The following RNF216 variants were observed in gnomAD, a reference collection of about 807,000 sequenced individuals.
The protein encoded by RNF216 is ring finger protein 216.
RNF216 carries 72 observed loss-of-function variants against 110.8 expected under a neutral mutation model. That is an observed-to-expected ratio of 0.65 (90% CI 0.54 to 0.79). The LOEUF is 0.79. RNF216 is among the 30% of genes least tolerant of loss of function. The pLI, the probability that RNF216 is intolerant of heterozygous loss-of-function variation, is 0.00. For synonymous variants in RNF216, 495 were observed against 407.5 expected, an observed-to-expected ratio of 1.21 and a Z score of -2.59; for missense variants, 1,342 against 1,141.2, an observed-to-expected ratio of 1.18 and a Z score of -2.54.
intron 11 of RNF216, 31 bp downstream of exon 11, chr7:5,715,022 A>G (rs768772383): frequency 1.3e-6 from 2 of 1,590,504 alleles, no homozygotes; most frequent in African/African-American, 1.3e-5. Context: ...AATGTGTCCT[A>G]TATACATGGG....
At chr7:5,672,839 C>T (rs1412559905) in intron 13 of RNF216, among the ~76,000 whole-genome samples, 1 of 152,088 alleles carries the variant, frequency 6.6e-6, no homozygotes, top group African/African-American at 2.4e-5. Context: ...CTGGGGCTTT[C>T]TAGGACACAG....
chr7:5,765,611 G>C (rs1211383415), intron 1 of RNF216, among the ~76,000 whole-genome samples: 2 of 151,148 alleles, frequency 1.3e-5, no homozygotes, highest in African/African-American at 4.9e-5. Flanking sequence ...GCCAGGGTGA[G>C]AGCGAGACCC....
At chr7:5,754,975 C>A (rs1000329873) in intron 2 of RNF216, among the ~76,000 whole-genome samples, 4 of 149,946 alleles carry the variant, frequency 2.7e-5, no homozygotes, top group African/African-American at 7.4e-5. Flanking sequence ...CTGCAGTAAG[C>A]CAAGATCATG....
chr7:5,666,769 C>T (rs1027077423), intron 13 of RNF216: 1 of 151,866 alleles, frequency 6.6e-6, no homozygotes, highest in Non-Finnish European at 1.5e-5. Flanking sequence ...CCCATAGATG[C>T]TCCATACAAT....
At chr7:5,727,543 C>G (rs1793835225) in intron 7 of RNF216, among the ~76,000 whole-genome samples, 1 of 152,070 alleles carries the variant, frequency 6.6e-6, no homozygotes, top group Non-Finnish European at 1.5e-5. Flanking sequence ...CCTGCACAAT[C>G]TAGCAAGACC....
At chr7:5,627,864 T>G (rs981874303) in intron 15 of RNF216, among the ~76,000 whole-genome samples, 4 of 152,170 alleles carry the variant, frequency 2.6e-5, no homozygotes, top group African/African-American at 9.7e-5. Flanking sequence ...CCTGTGGCAC[T>G]GCTGAGGCTG....
chr7:5,663,080 C>T (rs1789254707), intron 13 of RNF216, among the ~76,000 whole-genome samples: 1 of 152,162 alleles, frequency 6.6e-6, no homozygotes, highest in Admixed American at 6.5e-5. Flanking sequence ...TTGGGAAACC[C>T]AAATGACCCG....
chr7:5,734,828 A>G (rs986882193), intron 5 of RNF216, among the ~76,000 whole-genome samples: 4 of 117,432 alleles, frequency 3.4e-5, no homozygotes, highest in Admixed American at 1.7e-4. Context: ...CTCTCTCAAA[A>G]TAAATAAATA....
Position 5,712,877 on chromosome 7 carries a change from A to T in RNF216, c.1834-14T>A, listed in dbSNP as rs754113883. 6.3e-7 allele frequency: 1 copy of T among 1,595,514 alleles called. No individual in the cohort carries two copies. The highest frequency in any genetic ancestry group is 1.1e-5 in the South Asian group (1 of 87,962). On this transcript the variant is annotated splice_polypyrimidine_tract_variant and intron_variant, in intron 11 of 16. Transcript: ENST00000389902. ...GCTGAGCTCCAACTAGAAAAAGGCG[A>T]AAAGGCAAAGAAAAAAAAATCAATA...
At chr7:5,669,211 G>C (rs535038030) in intron 13 of RNF216, among the ~76,000 whole-genome samples, 12 of 152,322 alleles carry the variant, frequency 7.9e-5, no homozygotes, top group African/African-American at 2.9e-4. Context: ...AAGCAGAGTT[G>C]CATCTGACAA....
At chr7:5,681,167 T>C (rs919408089) in intron 13 of RNF216, among the ~76,000 whole-genome samples, 1 of 152,196 alleles carries the variant, frequency 6.6e-6, no homozygotes, top group Non-Finnish European at 1.5e-5. Flanking sequence ...TTTGTGGTTC[T>C]TCAGAGACAC....
Position 5,623,065 on chromosome 7 carries a change from GGTGGCATCT to G in RNF216, c.2558_2566del (p.Gln853_Pro855del). The G allele has an allele frequency of 6.2e-7, 1 of 1,613,470 alleles. No individual in the cohort carries two copies. The highest frequency in any genetic ancestry group is 2.2e-5 in the East Asian group (1 of 44,866). On this transcript the variant is annotated inframe_deletion, in exon 17 of 17. Coordinates refer to ENST00000389902, the MANE Select transcript of RNF216 (RefSeq NM_207111.4). ...GAAGGGTGGGTGCGCGAAGGCATAG[GGTGGCATCT>G]GTGGCTGTGGCAGGTTCTGCGGAAC...
At position 5,752,949 on chromosome 7, in the gene RNF216, G is replaced by C; in HGVS notation, c.98C>G (p.Thr33Ser). The change falls in exon 3 of 17, where the codon ACC (threonine) becomes AGC (serine). Residue 33 changes from threonine to serine, a missense_variant. Physicochemically the swap from Thr to Ser is moderately conservative, Grantham distance 58. Coordinates refer to ENST00000389902, the MANE Select transcript of RNF216 (RefSeq NM_207111.4). Reference protein sequence around the residue: ...EWINLRDGPITISDSSDEERI... With the variant: ...EWINLRDGPISISDSSDEERI... ...TTCCTCATCTGAGGAGTCAGATATG[G>C]TGATGGGCCCATCTCGGAGATTGAT... 1 of 1,611,578 alleles carries C rather than the reference G, an allele frequency of 6.2e-7. No homozygotes were observed. The highest frequency in any genetic ancestry group is 8.5e-7 in the Non-Finnish European group (1 of 1,178,962).
intron 13 of RNF216, among the ~76,000 whole-genome samples, chr7:5,710,295 G>C (rs564690900): frequency 6.6e-6 from 1 of 152,146 alleles, no homozygotes; most frequent in African/African-American, 2.4e-5. Context: ...AGGAGGCGGA[G>C]GTTGCAGTGA....
At chr7:5,670,783 T>C (rs1789854492) in intron 13 of RNF216, among the ~76,000 whole-genome samples, 1 of 152,232 alleles carries the variant, frequency 6.6e-6, no homozygotes, top group African/African-American at 2.4e-5. Context: ...CCTTAATCCA[T>C]AGCCCAAATT....
intron 13 of RNF216, among the ~76,000 whole-genome samples, chr7:5,682,320 A>T (rs752061541): frequency 2.6e-5 from 4 of 152,118 alleles, no homozygotes; most frequent in Non-Finnish European, 5.9e-5. Context: ...GTCCCTCTAA[A>T]AGGGCAGCCA....
Position 5,741,819 on chromosome 7 carries a change from A to AG in RNF216, c.202-5dup, listed in dbSNP as rs759326740. The AG allele has an allele frequency of 3.2e-6, 5 of 1,583,516 alleles. No individual in the cohort carries two copies. The highest frequency in any genetic ancestry group is 3.4e-6 in the Non-Finnish European group (4 of 1,169,320). On this transcript the variant is annotated splice_polypyrimidine_tract_variant and splice_region_variant and intron_variant, in intron 3 of 16. Transcript: ENST00000389902. ...GTGATCTCTGAGGTTTATTTGTCTA[A>AG]GAAAAAATGAAATTTTAATAATTCA...
intron 14 of RNF216, among the ~76,000 whole-genome samples, chr7:5,643,378 C>G (rs1787857745): frequency 6.6e-6 from 1 of 151,160 alleles, no homozygotes; most frequent in Non-Finnish European, 1.5e-5. Flanking sequence ...ACTAGATTCT[C>G]AACCAGGCAG....
intron 13 of RNF216, among the ~76,000 whole-genome samples, chr7:5,672,858 G>T (rs1185981519): frequency 6.6e-6 from 1 of 152,142 alleles, no homozygotes; most frequent in African/African-American, 2.4e-5. Context: ...AGGGACACAG[G>T]CAGCACACTC....
Sources: allele counts gnomAD v4.1 joint callset (sites outside exome capture counted in the v4.1 genomes callset), GRCh38; gene constraint gnomAD v4.1.1; transcripts MANE v1.5; gene names NCBI Gene and HGNC (gene_info 2026-07-23, HGNC 2026-07-21).